Variants in ASIC2 observed in about 807,000 individuals in gnomAD.
ASIC2 encodes the protein acid-sensing ion channel 2.
A neutral mutation model predicts 57.3 loss-of-function variants in ASIC2; 25 were observed. The observed-to-expected ratio is 0.44, with a 90% CI of 0.32 to 0.61. The LOEUF (loss-of-function observed/expected upper bound fraction) is 0.61, where lower values mean the gene tolerates loss of function less well. ASIC2 is among the 20% of genes least tolerant of loss of function. The pLI is 0.06. For missense variants in ASIC2, 641 were observed against 738.1 expected (o/e 0.87, Z 1.52); for synonymous variants, 319 against 307.5 (o/e 1.04, Z -0.39).
At chr17:33,808,519 A>G (rs1912330390) in intron 1 of ASIC2, among the ~76,000 whole-genome samples, 1 of 152,190 alleles carries the variant, frequency 6.6e-6, no homozygotes, top group Non-Finnish European at 1.5e-5. Flanking sequence ...GGTCTGTTGC[A>G]TCTCCAGATA....
At position 33,518,889 on chromosome 17, in the gene ASIC2, C is replaced by T. The variant is rs370755690; in HGVS notation, c.556-406822G>A. 2.0e-4 allele frequency among the ~76,000 whole-genome samples: 31 copies of T among 151,758 alleles called. No individual in the cohort carries two copies. The South Asian group carries it at 5.6e-3, about 28-fold the overall frequency. ...AGGCTGGAGTACAGTGGCGTGATCT[C>T]GGCTCACTGCAAGCTCCGCCTTCCG... On this transcript the variant is annotated intron_variant, in intron 1 of 9. Transcript: ENST00000359872.
chr17:33,896,081 T>C (rs1915087907), intron 1 of ASIC2, among the ~76,000 whole-genome samples: 1 of 152,266 alleles, frequency 6.6e-6, no homozygotes, highest in African/African-American at 2.4e-5. Context: ...ATTGTTACTC[T>C]GTTTATATTG....
At chr17:33,868,534 C>T (rs2141929626) in intron 1 of ASIC2, among the ~76,000 whole-genome samples, 1 of 152,070 alleles carries the variant, frequency 6.6e-6, no homozygotes, top group Non-Finnish European at 1.5e-5. Flanking sequence ...TCTCTGAGCC[C>T]TTGGGTTAGA....
intron 1 of ASIC2, among the ~76,000 whole-genome samples, chr17:33,193,492 C>T (rs1307408889): frequency 6.6e-6 from 1 of 152,170 alleles, no homozygotes; most frequent in African/African-American, 2.4e-5. Flanking sequence ...TACTTAATGG[C>T]CAGCTTCTCT....
At chr17:34,011,312 C>A (rs1376013292) in intron 1 of ASIC2, among the ~76,000 whole-genome samples, 4 of 152,142 alleles carry the variant, frequency 2.6e-5, no homozygotes, top group African/African-American at 9.7e-5. Flanking sequence ...CTCCTACCTG[C>A]CCCCAGCCTT....
chr17:34,042,500 A>T (rs868538830), intron 1 of ASIC2, among the ~76,000 whole-genome samples: 2 of 152,208 alleles, frequency 1.3e-5, no homozygotes, highest in Non-Finnish European at 2.9e-5. Context: ...TAGAAAATGC[A>T]AATTAGTATC....
chr17:33,188,808 A>C (rs1232627547), intron 1 of ASIC2, among the ~76,000 whole-genome samples: 1 of 152,226 alleles, frequency 6.6e-6, no homozygotes, highest in Non-Finnish European at 1.5e-5. Context: ...TACTGAAATA[A>C]GTCCTTTAAG....
chr17:33,763,538 G>A (rs1311825958), intron 1 of ASIC2, among the ~76,000 whole-genome samples: 1 of 152,190 alleles, frequency 6.6e-6, no homozygotes, highest in East Asian at 1.9e-4. Context: ...TCCATTGCCA[G>A]GGGAGGGTTA....
intron 1 of ASIC2, among the ~76,000 whole-genome samples, chr17:33,933,922 C>G (rs1916001332): frequency 6.6e-6 from 1 of 152,224 alleles, no homozygotes; most frequent in Non-Finnish European, 1.5e-5. Flanking sequence ...ATCCCAAGAT[C>G]AGGAGCTCAC....
At chr17:33,799,442 C>CTTTCTTA (rs1912051710) in intron 1 of ASIC2, among the ~76,000 whole-genome samples, 3 of 68,204 alleles carry the variant, frequency 4.4e-5, no homozygotes, top group African/African-American at 1.8e-4. Flanking sequence ...TTCTTTCTTT[C>CTTTCTTA]TTTCTTTCTT....
intron 1 of ASIC2, among the ~76,000 whole-genome samples, chr17:33,447,983 C>A (rs1912092597): frequency 6.8e-6 from 1 of 147,316 alleles, no homozygotes; most frequent in African/African-American, 2.5e-5. Flanking sequence ...CTGATTTGAT[C>A]TTCACTAATT....
intron 1 of ASIC2, chr17:34,155,957 A>G: frequency 5.1e-6 from 8 of 1,582,300 alleles, no homozygotes; most frequent in Non-Finnish European, 6.9e-6. Context: ...AGACAGAGTG[A>G]GCTGAAAACC....
intron 1 of ASIC2, among the ~76,000 whole-genome samples, chr17:33,148,712 A>T (rs1904663784): frequency 6.6e-6 from 1 of 152,266 alleles, no homozygotes; most frequent in South Asian, 2.1e-4. Flanking sequence ...GACCTCAAAA[A>T]ATATTAGCTC....
At chr17:33,858,351 C>T (rs994517259) in intron 1 of ASIC2, among the ~76,000 whole-genome samples, 1 of 152,206 alleles carries the variant, frequency 6.6e-6, no homozygotes, top group Non-Finnish European at 1.5e-5. Context: ...TCTCTATACT[C>T]CCCAGTGTGG....
intron 1 of ASIC2, among the ~76,000 whole-genome samples, chr17:34,126,610 T>C (rs1174305917): frequency 6.6e-6 from 1 of 152,118 alleles, no homozygotes; most frequent in East Asian, 1.9e-4. Flanking sequence ...TCTCATCCAC[T>C]GTCAGGACAG....
chr17:33,745,514 C>CA (rs34946574), intron 1 of ASIC2, among the ~76,000 whole-genome samples: 53,188 of 135,782 alleles, frequency 0.39, 11,584 homozygotes, highest in Non-Finnish European at 0.53. Context: ...AAGTCAAAGT[C>CA]AAAAAAAAAA....
chr17:33,574,482 C>T (rs1041684686), intron 1 of ASIC2, among the ~76,000 whole-genome samples: 2 of 152,130 alleles, frequency 1.3e-5, no homozygotes, highest in Non-Finnish European at 2.9e-5. Flanking sequence ...GCAGGGGTTG[C>T]GTAGGGGTGC....
upstream of ASIC2, among the ~76,000 whole-genome samples, chr17:33,297,270 C>G (rs1905755393): frequency 6.6e-6 from 1 of 152,176 alleles, no homozygotes; most frequent in African/African-American, 2.4e-5. Flanking sequence ...GTGTGAATCT[C>G]CTCGCAATGT....
chr17:34,064,530 C>T (rs954977328), intron 1 of ASIC2, among the ~76,000 whole-genome samples: 35 of 152,098 alleles, frequency 2.3e-4, no homozygotes, highest in Middle Eastern at 6.8e-3. Flanking sequence ...TAGCTGGGAC[C>T]TAATCAAACT....
Sources: gnomAD v4.1 joint callset for allele counts (sites outside exome capture counted in the v4.1 genomes callset) on GRCh38, gnomAD v4.1.1 for gene constraint, MANE v1.5 for transcripts, NCBI Gene and HGNC (gene_info 2026-07-23, HGNC 2026-07-21) for gene names.